Variants in KIAA0319 observed in about 807,000 individuals in gnomAD.
KIAA0319 encodes the protein KIAA0319, also known as dyslexia-associated protein KIAA0319.
In KIAA0319, 83 loss-of-function variants were observed where a neutral mutation model predicts 108.4. That is an observed-to-expected ratio of 0.77 (90% CI 0.64 to 0.92). The LOEUF (loss-of-function observed/expected upper bound fraction) is 0.92, where lower values mean the gene tolerates loss of function less well. Ranked by LOEUF, KIAA0319 falls within the 40% of genes least tolerant of loss-of-function variation. KIAA0319 has a pLI of 0.00. For missense variants in KIAA0319, 1,195 were observed against 1,322.4 expected, an observed-to-expected ratio of 0.90 and a Z score of 1.49; for synonymous variants, 484 against 510.4, an observed-to-expected ratio of 0.95 and a Z score of 0.70.
chr6:24,565,310 T>C (rs1329716786), intron 14 of KIAA0319, among the ~76,000 whole-genome samples: 2 of 147,142 alleles, frequency 1.4e-5, no homozygotes, highest in East Asian at 3.9e-4. Context: ...CCTTAGTACA[T>C]CTCCAAGACT....
chr6:24,553,851 A>T (rs1761927477), intron 19 of KIAA0319, among the ~76,000 whole-genome samples: 1 of 152,262 alleles, frequency 6.6e-6, no homozygotes, highest in Non-Finnish European at 1.5e-5. Flanking sequence ...CAGAGAGGGC[A>T]TGGAAGCTCT....
At chr6:24,619,352 G>C (rs1773603026) in intron 1 of KIAA0319, among the ~76,000 whole-genome samples, 2 of 152,206 alleles carry the variant, frequency 1.3e-5, no homozygotes, top group African/African-American at 4.8e-5. Flanking sequence ...AGGCCCTGAG[G>C]AGTCAGAGCC....
chr6:24,584,931 C>T (rs754592879), intron 4 of KIAA0319, among the ~76,000 whole-genome samples: 1 of 152,148 alleles, frequency 6.6e-6, no homozygotes, highest in Non-Finnish European at 1.5e-5. Flanking sequence ...TTTCTTTTTC[C>T]GTATACTACA....
At position 24,604,971 on chromosome 6, in the gene KIAA0319, G is replaced by A. The variant is rs191056547; in HGVS notation, c.-105-3763C>T. Among the ~76,000 whole-genome samples the A allele has an allele frequency of 2.7e-3, 408 of 152,290 alleles. 1 individual carries two copies. Among genetic ancestry groups the A allele is most frequent in the Non-Finnish European group, 4.3e-3 (291 of 68,020 alleles). On this transcript the variant is annotated intron_variant, in intron 1 of 20. Coordinates refer to ENST00000378214, the MANE Select transcript of KIAA0319 (RefSeq NM_014809.4). ...TTCTCCTGCTTCAGTCTCCCAAGTA[G>A]CTAGGATTACAGGCGCCAACCACCA...
At chr6:24,572,841 C>G (rs1764916170) in intron 10 of KIAA0319, 143 bp from the exon 11 acceptor site, 1 of 821,452 alleles carries the variant, frequency 1.2e-6, no homozygotes, top group Non-Finnish European at 1.8e-6. Flanking sequence ...TTTGGCCAGG[C>G]ACGGTGGTTC....
chr6:24,590,388 A>G (rs2127506458), intron 3 of KIAA0319, among the ~76,000 whole-genome samples: 1 of 152,220 alleles, frequency 6.6e-6, no homozygotes, highest in South Asian at 2.1e-4. Context: ...AAAATCAGGT[A>G]GTGGGTTTAC....
At chr6:24,612,542 G>T (rs1364481914) in intron 1 of KIAA0319, among the ~76,000 whole-genome samples, 2 of 152,104 alleles carry the variant, frequency 1.3e-5, no homozygotes, top group African/African-American at 4.8e-5. Context: ...ATAAACTATG[G>T]TCTGGTCATA....
intron 1 of KIAA0319, among the ~76,000 whole-genome samples, chr6:24,630,696 T>TATATATACACATATACACA: frequency 1.4e-5 from 1 of 71,378 alleles, no homozygotes; most frequent in African/African-American, 7.1e-5. Flanking sequence ...TATATATATA[T>TATATATACACATATACACA]ATATATACAC....
At chr6:24,568,996 AT>A in intron 12 of KIAA0319, 67 bp from the exon 13 acceptor site, 1 of 1,489,756 alleles carries the variant, frequency 6.7e-7, no homozygotes, top group Non-Finnish European at 9.3e-7. Flanking sequence ...CAGGCATGCG[AT>A]TTGTGCTCTT....
intron 19 of KIAA0319, 146 bp from the exon 20 acceptor site, chr6:24,551,671 G>A (rs936539354): frequency 6.4e-6 from 4 of 624,892 alleles, no homozygotes; most frequent in African/African-American, 1.8e-5. Context: ...CATACACAAG[G>A]CCAGGTCAGA....
intron 1 of KIAA0319, among the ~76,000 whole-genome samples, chr6:24,634,671 G>T (rs1775979372): frequency 1.3e-5 from 2 of 152,176 alleles, no homozygotes; most frequent in Admixed American, 1.3e-4. Context: ...TAAACAGTTG[G>T]CTTAAAGATA....
At chr6:24,629,814 T>A (rs1004800679) in intron 1 of KIAA0319, among the ~76,000 whole-genome samples, 1 of 152,170 alleles carries the variant, frequency 6.6e-6, no homozygotes, top group African/African-American at 2.4e-5. Flanking sequence ...AATGTGCTTT[T>A]ATTGGCTGCA....
At chr6:24,577,116 T>C (rs769120771) in intron 9 of KIAA0319, among the ~76,000 whole-genome samples, 27 of 152,362 alleles carry the variant, frequency 1.8e-4, no homozygotes, top group South Asian at 8.3e-4. Flanking sequence ...TGGCTATTTT[T>C]AGTTTTAGTT....
Position 24,611,540 on chromosome 6 carries a change from T to C in KIAA0319, c.-105-10332A>G, listed in dbSNP as rs141866578. Among the ~76,000 whole-genome samples, 819 of 152,250 alleles carry C rather than the reference T, an allele frequency of 5.4e-3. 10 individuals carry two copies. The highest frequency in any genetic ancestry group is 0.017 in the African/African-American group (704 of 41,542). The stretch of plus-strand genomic sequence containing the variant: ...AATATGGCTAAATTGTATCCACTAA[T>C]AAAATATATGGTTGTCTTAAATGTT... On this transcript the variant is annotated intron_variant, in intron 1 of 20. Transcript: ENST00000378214.
downstream of KIAA0319, among the ~76,000 whole-genome samples, chr6:24,541,544 T>G (rs997892588): frequency 6.6e-6 from 1 of 152,264 alleles, no homozygotes; most frequent in African/African-American, 2.4e-5. Context: ...ACGCCAGTAA[T>G]CCCAGCACTT....
At chr6:24,589,873 G>A (rs533962864) in intron 3 of KIAA0319, among the ~76,000 whole-genome samples, 5 of 43,448 alleles carry the variant, frequency 1.2e-4, no homozygotes, top group South Asian at 1.8e-3. Flanking sequence ...ATGTATAACC[G>A]ATAAAGTTAC....
chr6:24,593,389 T>A (rs1768827302), intron 3 of KIAA0319, among the ~76,000 whole-genome samples: 1 of 138,330 alleles, frequency 7.2e-6, no homozygotes, highest in Non-Finnish European at 1.6e-5. Flanking sequence ...TAATTATCTT[T>A]TTTTTTTTTT....
chr6:24,624,781 T>C (rs1028273577), intron 1 of KIAA0319, among the ~76,000 whole-genome samples: 1 of 152,246 alleles, frequency 6.6e-6, no homozygotes, highest in Non-Finnish European at 1.5e-5. Flanking sequence ...AAGTGAGATT[T>C]GGAAGTCGGA....
intron 18 of KIAA0319, among the ~76,000 whole-genome samples, chr6:24,554,911 T>G (rs1385048079): frequency 6.6e-6 from 1 of 152,174 alleles, no homozygotes; most frequent in African/African-American, 2.4e-5. Flanking sequence ...TAACTAAAAT[T>G]AGTCAATTAC....
Sources: gnomAD v4.1 joint callset for allele counts (sites outside exome capture counted in the v4.1 genomes callset) on GRCh38, gnomAD v4.1.1 for gene constraint, MANE v1.5 for transcripts, NCBI Gene and HGNC (gene_info 2026-07-23, HGNC 2026-07-21) for gene names.